Variants in GRM4 observed in about 807,000 individuals in gnomAD.
The protein encoded by GRM4 is metabotropic glutamate receptor 4.
Under a neutral mutation model 81.7 loss-of-function variants are expected in GRM4, and 28 were observed. The ratio of observed to expected loss-of-function variants is 0.34; its 90% CI spans 0.25 to 0.47. The LOEUF (loss-of-function observed/expected upper bound fraction) is 0.47. Ranked by LOEUF, GRM4 falls within the 20% of genes least tolerant of loss-of-function variation. The pLI is 1.00. For synonymous variants in GRM4, 488 were observed against 528.8 expected (o/e 0.92, Z 1.06); for missense variants, 948 against 1,290.0 (o/e 0.73, Z 4.06).
At chr6:34,142,823 G>A (rs1187907998) in intron 1 of GRM4, among the ~76,000 whole-genome samples, 2 of 152,198 alleles carry the variant, frequency 1.3e-5, no homozygotes, top group Non-Finnish European at 2.9e-5. Flanking sequence ...GAGGAGGGAG[G>A]AGGGGGGGAG....
At chr6:34,029,345 C>T (rs1581584806) in intron 9 of GRM4, among the ~76,000 whole-genome samples, 1 of 152,194 alleles carries the variant, frequency 6.6e-6, no homozygotes, top group Admixed American at 6.5e-5. Flanking sequence ...TATGGGCCCC[C>T]ATGATACCCT....
At chr6:34,107,863 C>T (rs1769199622) in intron 2 of GRM4, among the ~76,000 whole-genome samples, 1 of 152,166 alleles carries the variant, frequency 6.6e-6, no homozygotes, top group Admixed American at 6.5e-5. Flanking sequence ...TACAACCCTC[C>T]CTCAAACCCT....
Position 34,021,917 on chromosome 6 carries a change from T to G in GRM4, c.*904A>C, listed in dbSNP as rs1375281999. On this transcript the variant is annotated 3_prime_UTR_variant, in exon 11 of 11. Transcript: ENST00000538487. The surrounding 1 kb of genome is among the most constrained non-coding windows in gnomAD (Gnocchi z 5.3). ...ATAAAAACAATCATGCGCTACACAT[T>G]GTCGTCAATAACCATCACCAAACAC... 1 of 153,164 alleles carries G rather than the reference T, an allele frequency of 6.5e-6. No homozygotes were observed. The highest frequency in any genetic ancestry group is 1.5e-5 in the Non-Finnish European group (1 of 68,368). 9.5% of individuals were successfully genotyped at this position (153,164 alleles called of 1,614,324 possible).
chr6:34,118,492 T>G (rs979454329), intron 2 of GRM4, among the ~76,000 whole-genome samples: 1 of 152,216 alleles, frequency 6.6e-6, no homozygotes, highest in African/African-American at 2.4e-5. Context: ...CCCCCACACA[T>G]TAACTTCTCT....
chr6:34,140,156 T>C (rs772473314), intron 1 of GRM4, among the ~76,000 whole-genome samples: 1 of 152,184 alleles, frequency 6.6e-6, no homozygotes, highest in Non-Finnish European at 1.5e-5. Flanking sequence ...AAGTGGCATT[T>C]GATCCTAGAG....
At chr6:34,079,290 A>G (rs1271435806) in intron 3 of GRM4, among the ~76,000 whole-genome samples, 1 of 151,810 alleles carries the variant, frequency 6.6e-6, no homozygotes, top group Admixed American at 6.6e-5. Flanking sequence ...CCCTCCCACC[A>G]CCCTGAGATA....
At chr6:34,137,795 T>G (rs1770520272) in intron 1 of GRM4, among the ~76,000 whole-genome samples, 1 of 146,412 alleles carries the variant, frequency 6.8e-6, no homozygotes, top group Non-Finnish European at 1.5e-5. Flanking sequence ...TCTCACTATG[T>G]CGCTTGCCCA....
intron 2 of GRM4, among the ~76,000 whole-genome samples, chr6:34,122,205 T>A (rs542483043): frequency 6.6e-6 from 1 of 151,888 alleles, no homozygotes. Context: ...CAACACTCTC[T>A]CTCTGTGCTT....
intron 9 of GRM4, among the ~76,000 whole-genome samples, chr6:34,028,992 C>T (rs1463022843): frequency 1.3e-5 from 2 of 152,232 alleles, no homozygotes; most frequent in Non-Finnish European, 2.9e-5. Context: ...CCAGCACTAA[C>T]AGTGACAGAT....
intron 2 of GRM4, chr6:34,105,791 C>T (rs1561816496): frequency 6.6e-6 from 1 of 152,290 alleles, no homozygotes; most frequent in Non-Finnish European, 1.5e-5. Context: ...GTAACTGCTA[C>T]TCTGCCTTCC....
At chr6:34,050,284 G>A (rs542691608) in intron 6 of GRM4, among the ~76,000 whole-genome samples, 15 of 152,266 alleles carry the variant, frequency 9.9e-5, no homozygotes, top group South Asian at 6.2e-4. Flanking sequence ...CCCTGAAATC[G>A]TTAGGATGTT....
At chr6:34,082,094 GC>G (rs771268456) in intron 3 of GRM4, among the ~76,000 whole-genome samples, 31,622 of 149,770 alleles carry the variant, frequency 0.21, 4,421 homozygotes, top group Admixed American at 0.3. Flanking sequence ...GTGGGAGCCT[GC>G]GGGACAGATC....
intron 2 of GRM4, among the ~76,000 whole-genome samples, chr6:34,094,351 G>A (rs567747874): frequency 6.6e-6 from 1 of 152,268 alleles, no homozygotes; most frequent in South Asian, 2.1e-4. Flanking sequence ...AACCACACTC[G>A]ACTATACTGG....
chr6:34,086,020 G>A (rs1314425610), intron 3 of GRM4, among the ~76,000 whole-genome samples: 4 of 152,250 alleles, frequency 2.6e-5, no homozygotes, highest in Admixed American at 1.3e-4. Flanking sequence ...GATAGCTGCT[G>A]TGGCAAGAGC....
In GRM4 at chr6:34,068,227, C is replaced by G. The variant is rs1766590106; in HGVS notation, c.737-6199G>C. Among the ~76,000 whole-genome samples, 1 of 152,190 alleles carries G rather than the reference C, an allele frequency of 6.6e-6. No individual in the cohort carries two copies. Among genetic ancestry groups the G allele is most frequent in the South Asian group, 2.1e-4 (1 of 4,830 alleles). On this transcript the variant is annotated intron_variant, in intron 3 of 10. Coordinates refer to ENST00000538487, the MANE Select transcript of GRM4 (RefSeq NM_000841.4). The surrounding 1 kb of genome is among the most constrained non-coding windows in gnomAD (Gnocchi z 4.2). ...ACAGGGAGGCTTGGGCTGGGCCACG[C>G]AGCTGGAGAGGCAGAGGCTGGATCT... is the stretch of plus-strand genomic sequence containing the variant.
rs899537771 is a variant in GRM4 at position 34,048,938 on chromosome 6, G to T, written c.1168+7606C>A. ...ACCTCCTGTCTTCATAAATTACCCAGTCTAAGGTAGTTCTTTATAGCAGCG... is the reference window on the plus strand; with the variant it reads ...ACCTCCTGTCTTCATAAATTACCCATTCTAAGGTAGTTCTTTATAGCAGCG... On this transcript the variant is annotated intron_variant, in intron 6 of 10. Coordinates refer to ENST00000538487, the MANE Select transcript of GRM4 (RefSeq NM_000841.4). This position sits in a 1 kb window ranked among gnomAD's most constrained non-coding sequence, Gnocchi z 4.0. Among the ~76,000 whole-genome samples the T allele has an allele frequency of 1.3e-5, 2 of 152,048 alleles. No homozygotes were observed. The highest frequency in any genetic ancestry group is 4.8e-5 in the African/African-American group (2 of 41,364).
chr6:34,142,585 G>C (rs952913164), intron 1 of GRM4, among the ~76,000 whole-genome samples: 3 of 152,198 alleles, frequency 2.0e-5, no homozygotes, highest in African/African-American at 4.8e-5. Flanking sequence ...ACATCCTGGC[G>C]CTGGACTGTG....
intron 5 of GRM4, among the ~76,000 whole-genome samples, chr6:34,057,795 G>A (rs1188741688): frequency 6.6e-6 from 1 of 152,238 alleles, no homozygotes; most frequent in East Asian, 1.9e-4. Flanking sequence ...TCTGAGCCCT[G>A]TGTATCCATC....
intron 2 of GRM4, among the ~76,000 whole-genome samples, chr6:34,095,515 G>A (rs1324231930): frequency 6.6e-6 from 1 of 152,216 alleles, no homozygotes; most frequent in Non-Finnish European, 1.5e-5. Context: ...AATTACAATA[G>A]CTGTCTCCTA....
Sources: gnomAD v4.1 joint callset for allele counts (sites outside exome capture counted in the v4.1 genomes callset) on GRCh38, gnomAD v4.1.1 for gene constraint, Gnocchi (gnomAD v3.1) non-coding constraint, MANE v1.5 for transcripts, NCBI Gene and HGNC (gene_info 2026-07-23, HGNC 2026-07-21) for gene names.